Variants in DDX20 observed in about 807,000 individuals in gnomAD.
The protein encoded by DDX20 is probable ATP-dependent RNA helicase DDX20.
A neutral mutation model predicts 76.4 loss-of-function variants in DDX20; 61 were observed. That is an observed-to-expected ratio of 0.80 (90% CI 0.65 to 0.99). DDX20 has a LOEUF of 0.99. Among genes scored for constraint, DDX20 ranks in the 50% least tolerant of loss-of-function variants. DDX20 has a pLI of 0.00. For synonymous variants in DDX20, 357 were observed against 357.4 expected, an observed-to-expected ratio of 1.00 and a Z score of 0.01; for missense variants, 976 against 996.8, an observed-to-expected ratio of 0.98 and a Z score of 0.28.
chr1:111,767,009 T>G lies in DDX20; in HGVS notation c.*110T>G, dbSNP rs1663798190. 4 of 817,014 alleles carry G rather than the reference T, an allele frequency of 4.9e-6. No homozygotes were observed. The highest frequency in any genetic ancestry group is 7.4e-6 in the Non-Finnish European group (4 of 538,262). 50.6% of individuals were successfully genotyped at this position (817,014 alleles called of 1,614,324 possible). On this transcript the variant is annotated 3_prime_UTR_variant, in exon 11 of 11. Transcript: ENST00000369702. ...TGTATAGTGGCATTTCTGATAAACT[T>G]GAAAAGACTTGAGTCTTTCCACTGG... is the stretch of plus-strand genomic sequence containing the variant.
intron 10 of DDX20, among the ~76,000 whole-genome samples, chr1:111,763,567 C>T (rs1349609882): frequency 6.9e-6 from 1 of 145,912 alleles, no homozygotes. Flanking sequence ...AGTGAAACTC[C>T]GTCTCAAAAA....
Position 111,760,741 on chromosome 1 carries a change from T to TG in DDX20, c.717dup (p.Leu240AlafsTer13). 1 of 1,613,558 alleles carries TG rather than the reference T, an allele frequency of 6.2e-7. No homozygotes were observed. Among genetic ancestry groups the TG allele is most frequent in the Non-Finnish European group, 8.5e-7 (1 of 1,179,830 alleles). Reference sequence around the variant, plus strand: ...TCTTCCTTGCCTGCCAGTAAACAGATGCTGGCAGTATCAGCTACTTATCCC... The same window carrying TG: ...TCTTCCTTGCCTGCCAGTAAACAGATGGCTGGCAGTATCAGCTACTTATCCC... On this transcript the variant is annotated frameshift_variant, in exon 5 of 11. Transcript: ENST00000369702. LOFTEE classifies it high-confidence loss of function.
At chr1:111,756,318 A>G in intron 1 of DDX20, 93 bp downstream of exon 1, 4 of 1,315,476 alleles carry the variant, frequency 3.0e-6, no homozygotes, top group Non-Finnish European at 3.9e-6. Context: ...CAGCTCAGGA[A>G]GAGCCCTCGG....
chr1:111,756,340 A>T, intron 1 of DDX20, 115 bp downstream of exon 1: 1 of 1,098,128 alleles, frequency 9.1e-7, no homozygotes, highest in South Asian at 1.9e-5. Flanking sequence ...CGGCCCCCGG[A>T]GCAGGGCCCT....
In DDX20 at chr1:111,762,968, A is replaced by G; in HGVS notation, c.1273A>G (p.Ile425Val). 6.2e-7 allele frequency: 1 copy of G among 1,613,912 alleles called. No homozygotes were observed. The highest frequency in any genetic ancestry group is 8.5e-7 in the Non-Finnish European group (1 of 1,179,840). Residue 425 changes from isoleucine (I) to valine (V), a missense_variant, in exon 10 of 11, where the codon ATT becomes GTT. Ile to Val is a conservative substitution (Grantham distance 29, BLOSUM62 3). This residue lies in a region of DDX20 where 630 missense variants were observed against 693.7 expected (regional missense o/e 0.91). Transcript: ENST00000369702. Reference sequence around the variant, plus strand: ...AGAGGAAGAAAATATGATGATGAGAATTGCCCAGAAATGTAATATCAACCT... The same window carrying G: ...AGAGGAAGAAAATATGATGATGAGAGTTGCCCAGAAATGTAATATCAACCT... ...RGEEENMMMR[I>V]AQKCNINLLP...
At position 111,761,019 on chromosome 1, in the gene DDX20, T is replaced by C. The variant is rs201919595; in HGVS notation, c.856T>C (p.Tyr286His). 1 of 1,613,986 alleles carries C rather than the reference T, an allele frequency of 6.2e-7. No individual in the cohort carries two copies. The highest frequency in any genetic ancestry group is 1.7e-5 in the Admixed American group (1 of 60,018). Residue 286 changes from tyrosine to histidine, a missense_variant, in exon 6 of 11, where the codon TAC (tyrosine) becomes CAC (histidine). Physicochemically the swap from Tyr to His is moderately conservative, Grantham distance 83. Coordinates refer to ENST00000369702, the MANE Select transcript of DDX20 (RefSeq NM_007204.5). ...GCAGTATTACAAAGTTGTCAATTCATACCCTTTGGCACATAAGGTTTTTGA... is the reference window on the plus strand; with the variant it reads ...GCAGTATTACAAAGTTGTCAATTCACACCCTTTGGCACATAAGGTTTTTGA... ...LKQYYKVVNS[Y>H]PLAHKVFEEK...
intron 7 of DDX20, chr1:111,761,587 G>T: frequency 4.8e-6 from 1 of 208,014 alleles, no homozygotes. Context: ...TGTCTGTATT[G>T]TGTTAAGATA....
In DDX20 at chr1:111,766,274, C is replaced by A; in HGVS notation, c.1850C>A (p.Thr617Lys). ...EKPVEIIRHY[T>K]GPGDQTVNPQ... ...CCTGTGGAAATCATCAGGCACTACA[C>A]AGGCCCTGGGGATCAGACTGTGAAT... Residue 617 changes from threonine to lysine, a missense_variant, in exon 11 of 11, where the codon ACA becomes AAA. This residue lies in a region of DDX20 where 630 missense variants were observed against 693.7 expected (regional missense o/e 0.91). Coordinates refer to ENST00000369702, the MANE Select transcript of DDX20 (RefSeq NM_007204.5). The A allele has an allele frequency of 4.3e-6, 7 of 1,614,158 alleles. No individual in the cohort carries two copies. The highest frequency in any genetic ancestry group is 5.9e-6 in the Non-Finnish European group (7 of 1,180,022).
In DDX20 at chr1:111,767,710, G is replaced by A. The variant is rs1238898840; in HGVS notation, c.*811G>A. 2.8e-4 allele frequency: 42 copies of A among 152,242 alleles called. No individual in the cohort carries two copies. The highest frequency in any genetic ancestry group is 2.5e-3 in the Admixed American group (38 of 15,290). The allele number at this position is 152,242 out of a possible 1,614,324, so 9.4% of individuals were successfully genotyped here. ...TTTCTCATTCCATAAGCACAGAATT[G>A]TGAGTGTAATTTCAAGGGGTTCATA... On this transcript the variant is annotated 3_prime_UTR_variant, in exon 11 of 11. Transcript: ENST00000369702.
Position 111,756,176 on chromosome 1 carries a change from G to T in DDX20, c.252G>T (p.Arg84Ser), listed in dbSNP as rs928477804. The change falls in exon 1 of 11, where the codon AGG becomes AGT. Residue 84 changes from arginine to serine, a missense_variant. By Grantham distance (110) the Arg-to-Ser change is moderately radical. Around this residue, in one of 3 missense-constraint regions of DDX20, gnomAD observed 343 missense variants for 286.4 expected, o/e 1.20. Coordinates refer to ENST00000369702, the MANE Select transcript of DDX20 (RefSeq NM_007204.5). ...LEGLRAAGFE[R>S]PSPVQLKAIP... The stretch of plus-strand genomic sequence containing the variant: ...GGCTGCGGGCGGCCGGCTTCGAGAG[G>T]CCCTCGCCGGTGCAGCTCAAGGCCA... 22 of 1,535,548 alleles carry T rather than the reference G, an allele frequency of 1.4e-5. No homozygotes were observed. In the African/African-American group the frequency reaches 2.5e-4, roughly 17 times the overall value.
Position 111,756,734 on chromosome 1 carries a change from T to C in DDX20, c.390T>C (p.Ser130=), listed in dbSNP as rs753641295. Residue 130 remains serine (S), a synonymous_variant, in exon 2 of 11, where the codon AGT becomes AGC. Coordinates refer to ENST00000369702, the MANE Select transcript of DDX20 (RefSeq NM_007204.5). The stretch of plus-strand genomic sequence containing the variant: ...ACTCTCTTGTTCTTGAAAACTTAAG[T>C]ACCCAGGTGAGTTAGCTGAGAGGAC... ...ALDSLVLENL[S]TQILILAPTR... 1 of 1,613,506 alleles carries C rather than the reference T, an allele frequency of 6.2e-7. No individual in the cohort carries two copies. The highest frequency in any genetic ancestry group is 8.5e-7 in the Non-Finnish European group (1 of 1,179,416).
chr1:111,761,345 G>A lies in DDX20; in HGVS notation c.1021+61G>A. ...TACTGACTTGAAGCCTCCAAAGTCAGGAGGAAAAAATACCACTTTATGAGT... is the reference window on the plus strand; with the variant it reads ...TACTGACTTGAAGCCTCCAAAGTCAAGAGGAAAAAATACCACTTTATGAGT... On this transcript the variant is annotated intron_variant, in intron 7 of 10. Coordinates refer to ENST00000369702, the MANE Select transcript of DDX20 (RefSeq NM_007204.5). 3 of 1,436,950 alleles carry A rather than the reference G, an allele frequency of 2.1e-6. No homozygotes were observed. In the Admixed American group the frequency reaches 6.0e-5, roughly 29 times the overall value. 89.0% of individuals were successfully genotyped at this position (1,436,950 alleles called of 1,614,324 possible).
intron 10 of DDX20, among the ~76,000 whole-genome samples, chr1:111,765,467 A>G (rs564930068): frequency 1.3e-5 from 2 of 152,312 alleles, no homozygotes; most frequent in Admixed American, 1.3e-4. Flanking sequence ...AGGCTTGTAC[A>G]TTACTCCTAG....
At chr1:111,761,192 G>A (rs1207334614) in intron 6 of DDX20, 34 bp from the exon 7 acceptor site, 1 of 1,611,594 alleles carries the variant, frequency 6.2e-7, no homozygotes, top group Admixed American at 1.7e-5. Context: ...GGCAATATTT[G>A]TAAATTTGTA....
intron 7 of DDX20, chr1:111,761,952 A>G: frequency 4.5e-6 from 1 of 222,558 alleles, no homozygotes; most frequent in Non-Finnish European, 8.8e-6. Flanking sequence ...AAGCATTTTT[A>G]TTTTCCTAAG....
chr1:111,766,194 T>G lies in DDX20; in HGVS notation c.1770T>G (p.Thr590=). 1 of 1,614,176 alleles carries G rather than the reference T, an allele frequency of 6.2e-7. No individual in the cohort carries two copies. The highest frequency in any genetic ancestry group is 8.5e-7 in the Non-Finnish European group (1 of 1,180,022). Reference sequence around the variant, plus strand: ...AAATCCATCAGCCATACACGTTGACTTTTGCTGAATTGGTAGAGGATTATG... The same window carrying G: ...AAATCCATCAGCCATACACGTTGACGTTTGCTGAATTGGTAGAGGATTATG... ...SFKIHQPYTL[T]FAELVEDYEH... Residue 590 remains threonine (T), a synonymous_variant, in exon 11 of 11, where the codon ACT becomes ACG. Coordinates refer to ENST00000369702, the MANE Select transcript of DDX20 (RefSeq NM_007204.5).
intron 3 of DDX20, 66 bp from the exon 4 acceptor site, chr1:111,760,408 A>T: frequency 9.0e-7 from 1 of 1,113,066 alleles, no homozygotes; most frequent in South Asian, 1.4e-5. Flanking sequence ...GTAGAGTAAC[A>T]ATATTGGCTG....
intron 8 of DDX20, 155 bp from the exon 9 acceptor site, chr1:111,762,522 G>A (rs1663693747): frequency 1.4e-5 from 12 of 832,058 alleles, no homozygotes; most frequent in African/African-American, 1.7e-5. Flanking sequence ...CTTTGTCCTT[G>A]AAATTAGTCA....
chr1:111,762,723 T>C lies in DDX20; in HGVS notation c.1151T>C (p.Leu384Pro), dbSNP rs532804198. The C allele has an allele frequency of 6.2e-7, 1 of 1,613,934 alleles. No individual in the cohort carries two copies. The highest frequency in any genetic ancestry group is 8.5e-7 in the Non-Finnish European group (1 of 1,179,986). The part of the protein sequence containing the change: ...DAEKVNLVVN[L>P]DVPLDWETYM... ...GAGAAGGTGAATCTGGTTGTAAATC[T>C]GGATGTACCATTGGATTGGGAGACA... is the stretch of plus-strand genomic sequence containing the variant. Residue 384 changes from leucine (L) to proline (P), a missense_variant, in exon 9 of 11, where the codon CTG becomes CCG. Around this residue, in one of 3 missense-constraint regions of DDX20, gnomAD observed 630 missense variants for 693.7 expected, o/e 0.91. Transcript: ENST00000369702.
Sources: allele counts gnomAD v4.1 joint callset (sites outside exome capture counted in the v4.1 genomes callset), GRCh38; gene constraint gnomAD v4.1.1; regional missense constraint gnomAD v4.1.1; transcripts MANE v1.5; gene names NCBI Gene and HGNC (gene_info 2026-07-23, HGNC 2026-07-21).